Variants in PRKCI observed in about 807,000 individuals in gnomAD.
PRKCI encodes the protein protein kinase C iota type.
A neutral mutation model predicts 84.0 loss-of-function variants in PRKCI; 43 were observed. The ratio of observed to expected loss-of-function variants is 0.51; its 90% confidence interval spans 0.40 to 0.66. The LOEUF (loss-of-function observed/expected upper bound fraction) is 0.66. PRKCI is among the 30% of genes least tolerant of loss of function. PRKCI has a pLI of 0.00. For synonymous variants in PRKCI, 216 were observed against 234.4 expected, an observed-to-expected ratio of 0.92 and a Z score of 0.72; for missense variants, 459 against 745.6, an observed-to-expected ratio of 0.62 and a Z score of 4.48.
intron 1 of PRKCI, among the ~76,000 whole-genome samples, chr3:170,232,175 C>T (rs1407055427): frequency 6.6e-6 from 1 of 151,640 alleles, no homozygotes; most frequent in African/African-American, 2.4e-5. Context: ...CTCAGCCTCC[C>T]AAGTAGTTGG....
intron 12 of PRKCI, among the ~76,000 whole-genome samples, chr3:170,289,223 C>T (rs1161153652): frequency 2.6e-5 from 4 of 152,010 alleles, no homozygotes; most frequent in Admixed American, 6.5e-5. Flanking sequence ...AATGTATTGC[C>T]GTTGCCAATA....
intron 8 of PRKCI, among the ~76,000 whole-genome samples, chr3:170,278,722 A>T (rs9876248): frequency 0.047 from 7,084 of 152,320 alleles, 536 homozygotes; most frequent in African/African-American, 0.16. Context: ...TACAAGATTT[A>T]TTTGGTGCAC....
intron 11 of PRKCI, among the ~76,000 whole-genome samples, chr3:170,283,061 C>T (rs1229667920): frequency 7.3e-5 from 11 of 150,698 alleles, no homozygotes; most frequent in Non-Finnish European, 1.0e-4. Context: ...GCTGAGATTG[C>T]GCCACTGCAC....
rs973118159 is a variant in PRKCI, at chr3:170,270,703, G to A, written c.591+142G>A. On this transcript the variant is annotated intron_variant, in intron 6 of 17. Coordinates refer to ENST00000295797, the MANE Select transcript of PRKCI (RefSeq NM_002740.6). The stretch of plus-strand genomic sequence containing the variant: ...CAGAGTATGGGGAGGAATACCTTAC[G>A]TTACTGTTAACACACCGTGAACTTT... The A allele has an allele frequency of 1.9e-5, 20 of 1,078,358 alleles. 1 individual carries two copies. The highest frequency in any genetic ancestry group is 1.5e-4 in the Admixed American group (5 of 34,058). The allele number at this position is 1,078,358 out of a possible 1,614,324, so 66.8% of individuals were successfully genotyped here. A position where few individuals can be genotyped will look rare whatever the true frequency, so the allele number is the denominator to read the frequency against.
intron 12 of PRKCI, among the ~76,000 whole-genome samples, chr3:170,287,329 A>G (rs934473998): frequency 1.3e-4 from 19 of 148,912 alleles, no homozygotes; most frequent in Non-Finnish European, 2.7e-4. Flanking sequence ...TCTAAAATAT[A>G]TATATATATA....
Position 170,247,730 on chromosome 3 carries a change from CAAAAAAAAAAAAAA to C in PRKCI, c.224-12222_224-12209del, listed in dbSNP as rs72411481. Among the ~76,000 whole-genome samples the C allele has an allele frequency of 4.6e-3, 128 of 27,922 alleles. 2 individuals are homozygous for C. Among genetic ancestry groups the C allele is most frequent in the African/African-American group, 0.016 (113 of 6,966 alleles). The allele number at this position is 27,922 out of a possible 152,430, so 18.3% of individuals were successfully genotyped here. ...GGGCAACAAGAGCAAAACTCTGTCT[CAAAAAAAAAAAAAA>C]AAAAAAAAAAAAAAAAGTTGAGGAT... On this transcript the variant is annotated intron_variant, in intron 2 of 17. Coordinates refer to ENST00000295797, the MANE Select transcript of PRKCI (RefSeq NM_002740.6).
chr3:170,235,517 A>C (rs1261874818), intron 2 of PRKCI, among the ~76,000 whole-genome samples, 166 bp downstream of exon 2: 3 of 151,892 alleles, frequency 2.0e-5, no homozygotes, highest in African/African-American at 7.3e-5. Flanking sequence ...TGAAGAGCAC[A>C]ATCTTTTTTT....
intron 1 of PRKCI, among the ~76,000 whole-genome samples, chr3:170,227,398 C>T (rs1228896361): frequency 6.6e-6 from 1 of 152,078 alleles, no homozygotes; most frequent in Non-Finnish European, 1.5e-5. Context: ...GAGGGAAGGA[C>T]ATATAAGAGT....
chr3:170,279,738 T>G (rs886789829), intron 8 of PRKCI, among the ~76,000 whole-genome samples: 1 of 152,214 alleles, frequency 6.6e-6, no homozygotes, highest in Admixed American at 6.5e-5. Context: ...TTACATTCTA[T>G]GTATCAAGCT....
chr3:170,297,162 T>G (rs1734704425), intron 15 of PRKCI, 142 bp from the exon 16 acceptor site: 2 of 641,172 alleles, frequency 3.1e-6, no homozygotes. Flanking sequence ...GTTCTGGAGT[T>G]GTACTTTCTA....
intron 2 of PRKCI, among the ~76,000 whole-genome samples, chr3:170,241,769 TTTG>T (rs1295754791): frequency 0.015 from 2,339 of 152,128 alleles, 76 homozygotes; most frequent in African/African-American, 0.054. Flanking sequence ...CCTATGGGCT[TTTG>T]AGATCCTCCC....
chr3:170,301,865 G>C (rs1734827083), intron 17 of PRKCI, among the ~76,000 whole-genome samples: 1 of 152,218 alleles, frequency 6.6e-6, no homozygotes, highest in South Asian at 2.1e-4. Context: ...TTGCCTATCA[G>C]GTAACATCTA....
intron 12 of PRKCI, among the ~76,000 whole-genome samples, chr3:170,286,024 A>G (rs1392083777): frequency 6.6e-6 from 1 of 151,758 alleles, no homozygotes; most frequent in African/African-American, 2.4e-5. Context: ...TCCCAGGTTC[A>G]AGCAATTCTC....
At chr3:170,298,606 A>G (rs537608542) in intron 16 of PRKCI, among the ~76,000 whole-genome samples, 15 of 152,036 alleles carry the variant, frequency 9.9e-5, no homozygotes, top group Non-Finnish European at 1.8e-4. Context: ...GGGTTTAGCT[A>G]TGTTGGCCAG....
chr3:170,267,615 G>C (rs1733894211), intron 4 of PRKCI, among the ~76,000 whole-genome samples: 1 of 148,750 alleles, frequency 6.7e-6, no homozygotes, highest in Non-Finnish European at 1.5e-5. Flanking sequence ...GGAGGTTGCA[G>C]TGAGCTGAGA....
intron 8 of PRKCI, among the ~76,000 whole-genome samples, chr3:170,279,975 C>T (rs1023508786): frequency 7.9e-5 from 12 of 152,078 alleles, no homozygotes; most frequent in African/African-American, 2.9e-4. Flanking sequence ...TTTAAGACAT[C>T]CTTCGATGTT....
In PRKCI at chr3:170,222,482, G is replaced by C. The variant is rs994884642; in HGVS notation, c.-188G>C. 17 of 483,702 alleles carry C rather than the reference G, an allele frequency of 3.5e-5. No homozygotes were observed. The Middle Eastern group carries it at 1.6e-3, about 46-fold the overall frequency. 30.0% of individuals were successfully genotyped at this position (483,702 alleles called of 1,614,324 possible). A position where few individuals can be genotyped will look rare whatever the true frequency, so the allele number is the denominator to read the frequency against. ...AGAGGCGGCGGCGCCTACGGGCAGT[G>C]GGAGGAGCCGCGCGGTTCCGGCTGC... On this transcript the variant is annotated 5_prime_UTR_variant, in exon 1 of 18. Transcript: ENST00000295797.
intron 5 of PRKCI, 151 bp downstream of exon 5, chr3:170,268,151 A>T: frequency 1.6e-6 from 1 of 617,658 alleles, no homozygotes; most frequent in Non-Finnish European, 2.7e-6. Flanking sequence ...CTGAGGCAGT[A>T]TGCCTATAAT....
intron 2 of PRKCI, among the ~76,000 whole-genome samples, chr3:170,254,227 A>T (rs181211354): frequency 6.6e-6 from 1 of 151,736 alleles, no homozygotes; most frequent in Non-Finnish European, 1.5e-5. Context: ...TGTCAGATGC[A>T]TAGTGTGCAA....
Sources: gnomAD v4.1 joint callset for allele counts (sites outside exome capture counted in the v4.1 genomes callset) on GRCh38, gnomAD v4.1.1 for gene constraint, MANE v1.5 for transcripts, NCBI Gene and HGNC (gene_info 2026-07-23, HGNC 2026-07-21) for gene names.